PRMT8: variants seen among roughly 807,000 people sequenced by gnomAD.
PRMT8 encodes the protein protein arginine N-methyltransferase 8.
Under a neutral mutation model 47.1 loss-of-function variants are expected in PRMT8, and 7 were observed. The ratio of observed to expected loss-of-function variants is 0.15; its 90% CI spans 0.08 to 0.28. The LOEUF (loss-of-function observed/expected upper bound fraction) is 0.28, where lower values mean the gene tolerates loss of function less well. PRMT8 is among the 10% of genes least tolerant of loss of function. The probability of loss-of-function intolerance (pLI) is 1.00; values close to 1 mark genes in which losing one functional copy is unlikely to be tolerated. For synonymous variants in PRMT8, 188 were observed against 186.5 expected, an observed-to-expected ratio of 1.01 and a Z score of -0.07; for missense variants, 237 against 505.4, an observed-to-expected ratio of 0.47 and a Z score of 5.09.
chr12:3,548,340 T>C (rs923520739), intron 2 of PRMT8, among the ~76,000 whole-genome samples: 2 of 151,978 alleles, frequency 1.3e-5, no homozygotes, highest in East Asian at 3.9e-4. Flanking sequence ...AACTGGTCTT[T>C]ATCAAAATTA....
At position 3,441,507 on chromosome 12, in the gene PRMT8, G is replaced by A. The variant is rs77643950; in HGVS notation, c.48+60065G>A. Among the ~76,000 whole-genome samples the A allele has an allele frequency of 2.1e-3, 317 of 152,282 alleles. 2 individuals carry two copies. The highest frequency in any genetic ancestry group is 7.3e-3 in the African/African-American group (305 of 41,540). On this transcript the variant is annotated intron_variant, in intron 1 of 9. Transcript: ENST00000452611. ...TTACTGCCCGCGTGGCCATCACAAG[G>A]CCACCTGTAACCTTTGGGCCTCATA...
chr12:3,453,666 C>T lies in PRMT8; in HGVS notation c.48+72224C>T, dbSNP rs1591554134. ...AGGAGAGGAGCTTGCCCTTCACAGC[C>T]AGGGCAAATGCTGGGGCGCAGCCAT... On this transcript the variant is annotated intron_variant, in intron 1 of 9. Transcript: ENST00000452611. The surrounding 1 kb of genome is among the most constrained non-coding windows in gnomAD (Gnocchi z 4.9). 6.6e-6 allele frequency among the ~76,000 whole-genome samples: 1 copy of T among 152,292 alleles called. No homozygotes were observed. The highest frequency in any genetic ancestry group is 1.9e-4 in the East Asian group (1 of 5,172).
chr12:3,395,179 T>C (rs1864236673), intron 1 of PRMT8, among the ~76,000 whole-genome samples: 2 of 150,646 alleles, frequency 1.3e-5, no homozygotes, highest in South Asian at 4.2e-4. Flanking sequence ...GATTCATTAA[T>C]TTTTTGAAGG....
chr12:3,510,393 T>TA (rs1460763509), intron 1 of PRMT8, among the ~76,000 whole-genome samples: 1 of 152,130 alleles, frequency 6.6e-6, no homozygotes, highest in African/African-American at 2.4e-5. Context: ...CAGTTTCAAA[T>TA]AAATAGATGG....
At chr12:3,478,765 C>G (rs1204374820) in intron 1 of PRMT8, among the ~76,000 whole-genome samples, 1 of 152,218 alleles carries the variant, frequency 6.6e-6, no homozygotes, top group Non-Finnish European at 1.5e-5. Context: ...CTTATCAATC[C>G]TCAGGGAATC....
chr12:3,549,786 C>A, intron 2 of PRMT8, 150 bp from the exon 3 acceptor site: 1 of 788,812 alleles, frequency 1.3e-6, no homozygotes, highest in Non-Finnish European at 2.0e-6. Context: ...CATGGCCCAG[C>A]TACCCCAGTT....
chr12:3,569,072 C>G lies in PRMT8; in HGVS notation c.624+224C>G, dbSNP rs915460619. 6.6e-5 allele frequency among the ~76,000 whole-genome samples: 10 copies of G among 152,102 alleles called. No individual in the cohort carries two copies. Among genetic ancestry groups the G allele is most frequent in the Admixed American group, 2.0e-4 (3 of 15,274 alleles). On this transcript the variant is annotated intron_variant, in intron 5 of 9. Transcript: ENST00000382622. This position sits in a 1 kb window ranked among gnomAD's most constrained non-coding sequence, Gnocchi z 8.2. ...GAGTGGACTTCCGTGGGTCTCACCG[C>G]AGCCTCTTTTGCAATAACAGACATC...
At chr12:3,477,755 G>A (rs371689094) in intron 1 of PRMT8, among the ~76,000 whole-genome samples, 2 of 152,078 alleles carry the variant, frequency 1.3e-5, no homozygotes, top group African/African-American at 2.4e-5. Flanking sequence ...TCCTGTACCC[G>A]AATGGGCTGT....
At chr12:3,527,587 T>A (rs1865966833) in intron 1 of PRMT8, among the ~76,000 whole-genome samples, 1 of 152,192 alleles carries the variant, frequency 6.6e-6, no homozygotes, top group Non-Finnish European at 1.5e-5. Context: ...CAACGATATA[T>A]CACCATTCCT....
rs987181794 is a variant in PRMT8 at position 3,508,025 on chromosome 12, C to G, written c.75+16325C>G. 1.3e-5 allele frequency among the ~76,000 whole-genome samples: 2 copies of G among 152,168 alleles called. No homozygotes were observed. Among genetic ancestry groups the G allele is most frequent in the Admixed American group, 6.5e-5 (1 of 15,286 alleles). ...CAGATCTGATTTTGGATCTCACTTT[C>G]ATCCCTGTGGGATTATAAATCCCAT... On this transcript the variant is annotated intron_variant, in intron 1 of 9. Transcript: ENST00000382622. This position sits in a 1 kb window ranked among gnomAD's most constrained non-coding sequence, Gnocchi z 4.9.
chr12:3,459,001 C>G (rs1378867984), intron 1 of PRMT8, among the ~76,000 whole-genome samples: 1 of 152,212 alleles, frequency 6.6e-6, no homozygotes. Flanking sequence ...ATTCTCTTCT[C>G]TGAAACTGTG....
intron 1 of PRMT8, among the ~76,000 whole-genome samples, chr12:3,412,583 C>A (rs1197536886): frequency 6.6e-6 from 1 of 152,118 alleles, no homozygotes; most frequent in Non-Finnish European, 1.5e-5. Flanking sequence ...TTTTTTATAT[C>A]TTATTCTATA....
chr12:3,450,903 C>T (rs1364224503), intron 1 of PRMT8, among the ~76,000 whole-genome samples: 1 of 152,166 alleles, frequency 6.6e-6, no homozygotes, highest in Non-Finnish European at 1.5e-5. Context: ...AACACAAGTA[C>T]TGCCTAGATT....
intron 1 of PRMT8, among the ~76,000 whole-genome samples, chr12:3,425,098 A>T (rs745569358): frequency 2.0e-5 from 3 of 152,220 alleles, no homozygotes; most frequent in Non-Finnish European, 2.9e-5. Context: ...CTACACAGTT[A>T]TGTTCAACTG....
At position 3,508,458 on chromosome 12, in the gene PRMT8, G is replaced by A. The variant is rs79285450; in HGVS notation, c.75+16758G>A. On this transcript the variant is annotated intron_variant, in intron 1 of 9. Transcript: ENST00000382622. This position sits in a 1 kb window ranked among gnomAD's most constrained non-coding sequence, Gnocchi z 4.9. ...TACACACAGGGTCTGACATCTGAAC[G>A]CGGGAGAGTGTGTTTCCTGTGAGAA... Among the ~76,000 whole-genome samples the A allele has an allele frequency of 0.02, 3,014 of 152,300 alleles. 97 individuals carry two copies. The highest frequency in any genetic ancestry group is 0.066 in the African/African-American group (2,741 of 41,552).
chr12:3,479,475 G>A (rs921911016), intron 1 of PRMT8, among the ~76,000 whole-genome samples: 2 of 152,148 alleles, frequency 1.3e-5, no homozygotes, highest in African/African-American at 4.8e-5. Context: ...GTACAACCTA[G>A]AAGAAGCCCT....
chr12:3,505,341 C>T (rs944824954), intron 1 of PRMT8, among the ~76,000 whole-genome samples: 8 of 152,268 alleles, frequency 5.3e-5, no homozygotes, highest in South Asian at 2.1e-4. Context: ...ACACGGTGCC[C>T]GCCATATAGC....
chr12:3,464,226 T>C (rs1226619694), intron 1 of PRMT8, among the ~76,000 whole-genome samples: 4 of 150,384 alleles, frequency 2.7e-5, no homozygotes, highest in African/African-American at 9.8e-5. Flanking sequence ...AACAAAGTTA[T>C]ACAGACAAAG....
At chr12:3,525,889 C>T (rs1415977604) in intron 1 of PRMT8, among the ~76,000 whole-genome samples, 1 of 152,024 alleles carries the variant, frequency 6.6e-6, no homozygotes, top group Non-Finnish European at 1.5e-5. Context: ...ATAAAATTTA[C>T]CATCTTAACC....
Sources: allele counts gnomAD v4.1 joint callset (sites outside exome capture counted in the v4.1 genomes callset), GRCh38; gene constraint gnomAD v4.1.1; non-coding constraint Gnocchi (gnomAD v3.1); transcripts MANE v1.5; gene names NCBI Gene and HGNC (gene_info 2026-07-23, HGNC 2026-07-21).